The following SGK1 variants were observed in gnomAD, a reference collection of about 807,000 sequenced individuals.
SGK1 encodes the protein serum/glucocorticoid regulated kinase 1.
SGK1 carries 26 observed loss-of-function variants against 64.2 expected under a neutral mutation model. The ratio of observed to expected loss-of-function variants is 0.40; its 90% CI spans 0.30 to 0.56. The LOEUF is 0.56. SGK1 is among the 20% of genes least tolerant of loss of function. SGK1 has a pLI of 0.38. For missense variants in SGK1, 519 were observed against 645.6 expected (o/e 0.80, Z 2.12); for synonymous variants, 265 against 239.7 (o/e 1.11, Z -0.98).
intron 3 of SGK1, chr6:134,178,050 C>A: frequency 1.9e-6 from 1 of 538,106 alleles, no homozygotes; most frequent in South Asian, 2.6e-5. Context: ...ACAAATCAGT[C>A]CGGAAAAAAT....
chr6:134,246,114 T>C (rs1319389465), intron 2 of SGK1, among the ~76,000 whole-genome samples: 4 of 152,104 alleles, frequency 2.6e-5, no homozygotes, highest in African/African-American at 9.7e-5. Context: ...AGAATCATCA[T>C]ATGATCTTCA....
At chr6:134,216,643 G>A (rs1040724652) in intron 2 of SGK1, among the ~76,000 whole-genome samples, 1 of 152,196 alleles carries the variant, frequency 6.6e-6, no homozygotes, top group Non-Finnish European at 1.5e-5. Context: ...TTGAGGAGCA[G>A]AACATAGACA....
chr6:134,244,367 A>C (rs760167914), intron 2 of SGK1, among the ~76,000 whole-genome samples: 1 of 152,174 alleles, frequency 6.6e-6, no homozygotes, highest in African/African-American at 2.4e-5. Context: ...ATCCAGTCTA[A>C]CATTGATGGG....
chr6:134,193,558 TAGAG>T (rs754892450), intron 3 of SGK1, among the ~76,000 whole-genome samples: 61 of 151,844 alleles, frequency 4.0e-4, no homozygotes, highest in Non-Finnish European at 7.5e-4. Context: ...CCACAGTACT[TAGAG>T]TGAGTTGCTG....
intron 2 of SGK1, among the ~76,000 whole-genome samples, chr6:134,216,567 A>G (rs2114696778): frequency 6.6e-6 from 1 of 152,330 alleles, no homozygotes; most frequent in South Asian, 2.1e-4. Context: ...GTATTTACTG[A>G]GCATTTGTTT....
intron 1 of SGK1, among the ~76,000 whole-genome samples, chr6:134,301,823 C>A (rs939580040): frequency 2.0e-5 from 3 of 152,110 alleles, no homozygotes; most frequent in Non-Finnish European, 4.4e-5. Flanking sequence ...TCTTGAACTC[C>A]TGGGCTCAAG....
At chr6:134,182,596 C>T (rs867143640) in intron 3 of SGK1, among the ~76,000 whole-genome samples, 1 of 152,116 alleles carries the variant, frequency 6.6e-6, no homozygotes, top group African/African-American at 2.4e-5. Context: ...CCCCACCCTA[C>T]GCACATCACA....
At chr6:134,286,789 A>G (rs529699124) in intron 1 of SGK1, among the ~76,000 whole-genome samples, 1 of 152,274 alleles carries the variant, frequency 6.6e-6, no homozygotes, top group South Asian at 2.1e-4. Context: ...TTTTTAAAAA[A>G]GAGTATATTT....
intron 2 of SGK1, among the ~76,000 whole-genome samples, chr6:134,234,334 C>T (rs1424321622): frequency 6.6e-6 from 1 of 151,948 alleles, no homozygotes; most frequent in Non-Finnish European, 1.5e-5. Context: ...ACCCCAGAGA[C>T]AGAGGCTGCA....
chr6:134,197,422 T>C (rs1196484267), intron 3 of SGK1, among the ~76,000 whole-genome samples: 2 of 152,184 alleles, frequency 1.3e-5, no homozygotes, highest in Non-Finnish European at 2.9e-5. Context: ...GGCCCTTCAT[T>C]TGATGGCATA....
intron 3 of SGK1, among the ~76,000 whole-genome samples, chr6:134,188,474 A>G (rs539256759): frequency 6.6e-6 from 1 of 152,294 alleles, no homozygotes; most frequent in African/African-American, 2.4e-5. Context: ...TGCCAGAAAG[A>G]GACCACAGTG....
At chr6:134,172,614 C>A in intron 9 of SGK1, 48 bp downstream of exon 9, 1 of 1,236,098 alleles carries the variant, frequency 8.1e-7, no homozygotes, top group Non-Finnish European at 1.2e-6. Flanking sequence ...GCCAGTGCTA[C>A]GTCTCCTTTA....
chr6:134,246,842 C>T (rs1776532722), intron 2 of SGK1, among the ~76,000 whole-genome samples: 1 of 152,126 alleles, frequency 6.6e-6, no homozygotes, highest in African/African-American at 2.4e-5. Flanking sequence ...ACCCACTCGC[C>T]TCCAACTCCC....
intron 2 of SGK1, among the ~76,000 whole-genome samples, chr6:134,249,242 C>T (rs979504964): frequency 6.6e-6 from 1 of 152,204 alleles, no homozygotes; most frequent in Non-Finnish European, 1.5e-5. Flanking sequence ...ACTGATACCA[C>T]TTTTGTGATT....
chr6:134,194,095 G>C (rs1257339952), intron 3 of SGK1, among the ~76,000 whole-genome samples: 1 of 151,698 alleles, frequency 6.6e-6, no homozygotes, highest in East Asian at 1.9e-4. Context: ...GGAAAGTGGA[G>C]TTACATGGAG....
chr6:134,246,774 G>T (rs930533305), intron 2 of SGK1, among the ~76,000 whole-genome samples: 2 of 151,930 alleles, frequency 1.3e-5, no homozygotes, highest in African/African-American at 4.8e-5. Flanking sequence ...TGTATTTTTA[G>T]TAGAGACAGG....
At chr6:134,177,811 CTG>C in intron 3 of SGK1, 2 of 1,613,164 alleles carry the variant, frequency 1.2e-6, no homozygotes, top group Non-Finnish European at 8.5e-7. Flanking sequence ...AGCTGGAACT[CTG>C]AGATGACATG....
intron 5 of SGK1, 126 bp downstream of exon 5, chr6:134,173,879 T>G (rs1775119753): frequency 2.9e-6 from 2 of 689,634 alleles, no homozygotes; most frequent in East Asian, 5.2e-5. Context: ...TCACTTGTTA[T>G]GCCATAATGA....
intron 1 of SGK1, among the ~76,000 whole-genome samples, chr6:134,290,901 T>C (rs1040124403): frequency 2.0e-5 from 3 of 152,130 alleles, no homozygotes; most frequent in African/African-American, 7.2e-5. Context: ...TTCTAGCACC[T>C]AGCAGAGGGC....
Sources: allele counts gnomAD v4.1 joint callset (sites outside exome capture counted in the v4.1 genomes callset), GRCh38; gene constraint gnomAD v4.1.1; transcripts MANE v1.5; gene names NCBI Gene and HGNC (gene_info 2026-07-23, HGNC 2026-07-21).